The following RSAD2 variants were observed in gnomAD, a reference collection of about 807,000 sequenced individuals.
RSAD2 encodes the protein S-adenosylmethionine-dependent nucleotide dehydratase RSAD2.
Under a neutral mutation model 37.7 loss-of-function variants are expected in RSAD2, and 38 were observed. The ratio of observed to expected loss-of-function variants is 1.01; its 90% CI spans 0.78 to 1.32. The LOEUF (loss-of-function observed/expected upper bound fraction) is 1.32. Among genes scored for constraint, RSAD2 ranks in the 40% most tolerant of loss-of-function variants. The probability of loss-of-function intolerance (pLI) is 0.00; values close to 1 mark genes in which losing one functional copy is unlikely to be tolerated. For missense variants in RSAD2, 428 were observed against 437.5 expected, an observed-to-expected ratio of 0.98 and a Z score of 0.19; for synonymous variants, 163 against 157.4, an observed-to-expected ratio of 1.04 and a Z score of -0.27.
rs140514609 is a variant in RSAD2 at position 6,868,309 on chromosome 2, A to G, written c.142+2264A>G. Among the ~76,000 whole-genome samples, 7 of 152,326 alleles carry G rather than the reference A, an allele frequency of 4.6e-5. No homozygotes were observed. The East Asian group carries it at 1.2e-3, about 25-fold the overall frequency. On this transcript the variant is annotated intron_variant, in intron 1 of 5. Transcript: ENST00000442639. ...GCTTAGTTTTTGAAAACATGTTTAAACAGATATGTTTCTAGGTAGTTTAAT... is the reference window on the plus strand; with the variant it reads ...GCTTAGTTTTTGAAAACATGTTTAAGCAGATATGTTTCTAGGTAGTTTAAT...
rs889281042 is a variant in RSAD2, at chr2:6,897,593, G to A, written c.*1651G>A. On this transcript the variant is annotated 3_prime_UTR_variant, in exon 6 of 6. Coordinates refer to ENST00000382040, the MANE Select transcript of RSAD2 (RefSeq NM_080657.5). ...CCTATTTACTTTTTTTGTAAGAAAA[G>A]AGAAAAATGAATTCTAAAGATGTTC... 1 of 152,124 alleles carries A rather than the reference G, an allele frequency of 6.6e-6. No homozygotes were observed. The highest frequency in any genetic ancestry group is 1.5e-5 in the Non-Finnish European group (1 of 68,010). 9.4% of individuals were successfully genotyped at this position (152,124 alleles called of 1,614,324 possible).
At chr2:6,886,583 A>G (rs1663526379) in intron 2 of RSAD2, among the ~76,000 whole-genome samples, 1 of 152,262 alleles carries the variant, frequency 6.6e-6, no homozygotes, top group Non-Finnish European at 1.5e-5. Flanking sequence ...TTGTTCATAA[A>G]TAAGTCTAGA....
exon 1 of RSAD2, chr2:6,865,999 G>A: frequency 3.0e-6 from 2 of 668,034 alleles, no homozygotes; most frequent in South Asian, 4.6e-5. Context: ...CCAGGCGCCG[G>A]CTCCCGGGGC....
At chr2:6,874,352 AC>A (rs1479332195), upstream of RSAD2, among the ~76,000 whole-genome samples, 1 of 152,228 alleles carries the variant, frequency 6.6e-6, no homozygotes, top group African/African-American at 2.4e-5. Flanking sequence ...GCAAGAATTG[AC>A]TAATATATCA....
intron 4 of RSAD2, 126 bp downstream of exon 4, chr2:6,890,451 G>C (rs1270575302): frequency 7.8e-6 from 8 of 1,022,534 alleles, no homozygotes; most frequent in Non-Finnish European, 1.1e-5. Context: ...GAAATGGGAG[G>C]AATGCCATGT....
rs201945044 is a variant in RSAD2 at position 6,895,945 on chromosome 2, C to T, written c.*3C>T. On this transcript the variant is annotated 3_prime_UTR_variant, in exon 6 of 6. Coordinates refer to ENST00000382040, the MANE Select transcript of RSAD2 (RefSeq NM_080657.5). ...CTGATCTGAAGCTGGATTGGTAGAGCGGAAAGTGGAACGAGACTTCAACAC... is the reference window on the plus strand; with the variant it reads ...CTGATCTGAAGCTGGATTGGTAGAGTGGAAAGTGGAACGAGACTTCAACAC... The T allele has an allele frequency of 3.3e-5, 53 of 1,612,058 alleles. No individual in the cohort carries two copies. The highest frequency in any genetic ancestry group is 4.1e-5 in the Non-Finnish European group (48 of 1,178,724).
chr2:6,896,680 C>T lies in RSAD2; in HGVS notation c.*738C>T, dbSNP rs6431837. On this transcript the variant is annotated 3_prime_UTR_variant, in exon 6 of 6. Coordinates refer to ENST00000382040, the MANE Select transcript of RSAD2 (RefSeq NM_080657.5). ...TAGAAAGAGATAACACATGGAAAGA[C>T]GGTGTGGTGCAGCCCAGCCCACGGT... 0.61 allele frequency: 93,381 copies of T among 152,036 alleles called. 29,092 individuals carry two copies. Among genetic ancestry groups the T allele is most frequent in the East Asian group, 0.75 (3,848 of 5,162 alleles). The allele number at this position is 152,036 out of a possible 1,614,324, so 9.4% of individuals were successfully genotyped here.
chr2:6,891,814 G>A (rs188221859), intron 4 of RSAD2, among the ~76,000 whole-genome samples: 6 of 152,150 alleles, frequency 3.9e-5, no homozygotes, highest in Admixed American at 2.0e-4. Context: ...AATAAAGATA[G>A]CCTGTCATTC....
At chr2:6,890,064 C>G (rs1663599456) in intron 3 of RSAD2, 112 bp from the exon 4 acceptor site, 1 of 991,494 alleles carries the variant, frequency 1.0e-6, no homozygotes, top group African/African-American at 1.6e-5. Flanking sequence ...TGTTCCTCAG[C>G]TCGTAGAGTC....
rs372249827 is a variant in RSAD2 at position 6,890,250 on chromosome 2, T to C, written c.813T>C (p.Ile271=). Residue 271 remains isoleucine, a synonymous_variant, in exon 4 of 6, where the codon ATT becomes ATC. Coordinates refer to ENST00000382040, the MANE Select transcript of RSAD2 (RefSeq NM_080657.5). The stretch of plus-strand genomic sequence containing the variant: ...TAAGAGAAGCAGAAAGATTTGTTAT[T>C]GGTGATGAAGAATTTGAAAGATTCT... ...DALREAERFV[I]GDEEFERFLE... is the part of the protein sequence containing the mutation. 5.0e-6 allele frequency: 8 copies of C among 1,614,066 alleles called. No individual in the cohort carries two copies. The African/African-American group carries it at 6.7e-5, about 13-fold the overall frequency.
chr2:6,873,036 G>A (rs546791015), upstream of RSAD2, among the ~76,000 whole-genome samples: 4 of 152,018 alleles, frequency 2.6e-5, no homozygotes, highest in South Asian at 6.2e-4. Flanking sequence ...CTTTCTCTTG[G>A]TCCTTGAAAA....
chr2:6,878,993 A>C (rs1261114622), intron 1 of RSAD2: 1 of 504,446 alleles, frequency 2.0e-6, no homozygotes, highest in Admixed American at 2.3e-5. Flanking sequence ...TTCAGAGAGA[A>C]AGCATCACCA....
At chr2:6,870,510 G>A (rs950819837) in intron 1 of RSAD2, among the ~76,000 whole-genome samples, 1 of 152,184 alleles carries the variant, frequency 6.6e-6, no homozygotes, top group South Asian at 2.1e-4. Flanking sequence ...CCATGCTTTG[G>A]ATGAGGTCTC....
rs1663771456 is a variant in RSAD2, at chr2:6,896,167, GT to G, written c.*227del. On this transcript the variant is annotated 3_prime_UTR_variant, in exon 6 of 6. Coordinates refer to ENST00000382040, the MANE Select transcript of RSAD2 (RefSeq NM_080657.5). ...CTTTACTTCATTGGCTTATAACCTTGTTGTTATTGAAACAGCACTTCTGTTT... is the reference window on the plus strand; with the variant it reads ...CTTTACTTCATTGGCTTATAACCTTGTGTTATTGAAACAGCACTTCTGTTT... The G allele has an allele frequency of 6.9e-6, 3 of 437,748 alleles. No individual in the cohort carries two copies. In the East Asian group the frequency reaches 1.0e-4, roughly 15 times the overall value. 27.1% of individuals were successfully genotyped at this position (437,748 alleles called of 1,614,324 possible).
Position 6,866,001 on chromosome 2 carries a change from TC to T in RSAD2, c.101del (p.Pro34ArgfsTer3), listed in dbSNP as rs1663077775. On this transcript the variant is annotated frameshift_variant, in exon 1 of 6. Coordinates refer to the RSAD2 transcript ENST00000442639. LOFTEE classifies it high-confidence loss of function. ...GCCTGCGCGGTCCCCAGGCGCCGGC[TC>T]CCGGGGCTGACACCGAATGAGGCCC... 1 of 655,464 alleles carries T rather than the reference TC, an allele frequency of 1.5e-6. No individual in the cohort carries two copies. The highest frequency in any genetic ancestry group is 5.1e-5 in the Admixed American group (1 of 19,552). The allele number at this position is 655,464 out of a possible 1,614,324, so 40.6% of individuals were successfully genotyped here.
At chr2:6,881,179 T>TCACCA (rs1367095879) in intron 1 of RSAD2, among the ~76,000 whole-genome samples, 1 of 152,182 alleles carries the variant, frequency 6.6e-6, no homozygotes, top group Non-Finnish European at 1.5e-5. Flanking sequence ...CTATATCACA[T>TCACCA]CACCACACTT....
intron 3 of RSAD2, among the ~76,000 whole-genome samples, chr2:6,888,494 C>T (rs1663566671): frequency 6.6e-6 from 1 of 152,230 alleles, no homozygotes; most frequent in Admixed American, 6.5e-5. Context: ...ACTTTCCTGC[C>T]TGCCCCTCTC....
chr2:6,868,764 T>TA (rs1247513069), intron 1 of RSAD2, among the ~76,000 whole-genome samples: 2 of 152,196 alleles, frequency 1.3e-5, no homozygotes, highest in East Asian at 3.9e-4. Context: ...ACAGCTACCT[T>TA]TGAGGGAAGA....
chr2:6,868,712 T>G (rs764280054), intron 1 of RSAD2, among the ~76,000 whole-genome samples: 1 of 152,204 alleles, frequency 6.6e-6, no homozygotes, highest in African/African-American at 2.4e-5. Flanking sequence ...AGTATTCTCC[T>G]CTCTCTTGGA....
Sources: gnomAD v4.1 joint callset for allele counts (sites outside exome capture counted in the v4.1 genomes callset) on GRCh38, gnomAD v4.1.1 for gene constraint, MANE v1.5 for transcripts, NCBI Gene and HGNC (gene_info 2026-07-23, HGNC 2026-07-21) for gene names.